KCTD16: variants seen among roughly 807,000 people sequenced by gnomAD.
The protein encoded by KCTD16 is potassium channel tetramerization domain containing 16.
Under a neutral mutation model 33.2 loss-of-function variants are expected in KCTD16, and 13 were observed. The ratio of observed to expected loss-of-function variants is 0.39; its 90% CI spans 0.25 to 0.62. The LOEUF (loss-of-function observed/expected upper bound fraction) is 0.62. Among genes scored for constraint, KCTD16 ranks in the 20% least tolerant of loss-of-function variants. The probability of loss-of-function intolerance (pLI) is 0.50; values close to 1 mark genes in which losing one functional copy is unlikely to be tolerated. For synonymous variants in KCTD16, 197 were observed against 195.3 expected (o/e 1.01, Z -0.07); for missense variants, 441 against 525.1 (o/e 0.84, Z 1.57).
intron 3 of KCTD16, among the ~76,000 whole-genome samples, chr5:144,449,667 G>C (rs1753897928): frequency 6.6e-6 from 1 of 151,874 alleles, no homozygotes; most frequent in South Asian, 2.1e-4. Context: ...AAAAATAATA[G>C]AGAACCTAGA....
At chr5:144,360,701 A>T (rs1034268305) in intron 3 of KCTD16, among the ~76,000 whole-genome samples, 24 of 152,236 alleles carry the variant, frequency 1.6e-4, no homozygotes, top group African/African-American at 5.5e-4. Flanking sequence ...AAGTGCTGGG[A>T]TTACAGGCGT....
At chr5:144,432,355 AATT>A (rs1753482919) in intron 3 of KCTD16, among the ~76,000 whole-genome samples, 1 of 152,126 alleles carries the variant, frequency 6.6e-6, no homozygotes. Flanking sequence ...TTTAAGAAAC[AATT>A]ATTATACCCA....
intron 3 of KCTD16, among the ~76,000 whole-genome samples, chr5:144,371,053 G>A (rs1751955619): frequency 6.6e-6 from 1 of 152,054 alleles, no homozygotes; most frequent in South Asian, 2.1e-4. Context: ...TTGGAGTTAA[G>A]TCTCTGGTTC....
At chr5:144,233,764 C>A (rs567059578) in intron 3 of KCTD16, among the ~76,000 whole-genome samples, 1 of 152,254 alleles carries the variant, frequency 6.6e-6, no homozygotes, top group Admixed American at 6.5e-5. Context: ...GCTTACCTAG[C>A]AAGATAAGGC....
At chr5:144,177,901 A>G (rs540326688) in intron 2 of KCTD16, among the ~76,000 whole-genome samples, 1 of 152,208 alleles carries the variant, frequency 6.6e-6, no homozygotes, top group East Asian at 1.9e-4. Context: ...CATGCTCGAA[A>G]GAACAATAAT....
At chr5:144,340,096 T>C (rs975427887) in intron 3 of KCTD16, among the ~76,000 whole-genome samples, 1 of 152,056 alleles carries the variant, frequency 6.6e-6, no homozygotes, top group African/African-American at 2.4e-5. Flanking sequence ...AGAGGGCAGG[T>C]AAGATCCTGT....
chr5:144,202,082 G>A (rs890526696), intron 2 of KCTD16, among the ~76,000 whole-genome samples: 2 of 152,210 alleles, frequency 1.3e-5, no homozygotes, highest in African/African-American at 4.8e-5. Flanking sequence ...CCTAACATAC[G>A]TCTTGATTTG....
chr5:144,442,450 C>CTTTCTTTCTTTCTTTCTTTCTTTCTTTCT (rs1554095073), intron 3 of KCTD16, among the ~76,000 whole-genome samples: 3 of 147,762 alleles, frequency 2.0e-5, no homozygotes, highest in African/African-American at 7.6e-5. Flanking sequence ...TCTTTTCTTT[C>CTTTCTTTCTTTCTTTCTTTCTTTCTTTCT]TTCTTTCTTT....
chr5:144,463,983 A>G (rs1322844104), intron 3 of KCTD16, among the ~76,000 whole-genome samples: 1 of 152,200 alleles, frequency 6.6e-6, no homozygotes, highest in Non-Finnish European at 1.5e-5. Flanking sequence ...GCAGAGATAC[A>G]TGTTCGGCAC....
At chr5:144,452,966 G>A (rs1753979833) in intron 3 of KCTD16, among the ~76,000 whole-genome samples, 1 of 152,124 alleles carries the variant, frequency 6.6e-6, no homozygotes, top group African/African-American at 2.4e-5. Flanking sequence ...TGAGCTGGAG[G>A]AGGTGGCTGG....
intron 3 of KCTD16, among the ~76,000 whole-genome samples, chr5:144,386,167 A>G (rs1752319635): frequency 6.6e-6 from 1 of 152,178 alleles, no homozygotes; most frequent in Non-Finnish European, 1.5e-5. Context: ...CTTCTTTTCT[A>G]CAGAGCTCAA....
chr5:144,485,564 T>C lies in KCTD16; in HGVS notation c.*11450T>C, dbSNP rs1754788993. 1 of 151,976 alleles carries C rather than the reference T, an allele frequency of 6.6e-6. No homozygotes were observed. The highest frequency in any genetic ancestry group is 1.5e-5 in the Non-Finnish European group (1 of 67,920). The allele number at this position is 151,976 out of a possible 1,614,324, so 9.4% of individuals were successfully genotyped here. A position where few individuals can be genotyped will look rare whatever the true frequency, so the allele number is the denominator to read the frequency against. Reference sequence around the variant, plus strand: ...ATTTTAAAAGGAAGAACAGAAACTATATTTCAGATTCTTGTGTGAATATAA... The same window carrying C: ...ATTTTAAAAGGAAGAACAGAAACTACATTTCAGATTCTTGTGTGAATATAA... On this transcript the variant is annotated 3_prime_UTR_variant, in exon 4 of 4. Coordinates refer to ENST00000512467, the MANE Select transcript of KCTD16 (RefSeq NM_020768.4).
Position 144,481,904 on chromosome 5 carries a change from A to C in KCTD16, c.*7790A>C, listed in dbSNP as rs149901417. ...ACAGATTTATTATTATGTACCTGAA[A>C]CTCTACTGAGTACTTTTCATGCCTT... On this transcript the variant is annotated 3_prime_UTR_variant, in exon 4 of 4. Coordinates refer to ENST00000512467, the MANE Select transcript of KCTD16 (RefSeq NM_020768.4). 219 of 152,016 alleles carry C rather than the reference A, an allele frequency of 1.4e-3. 2 individuals carry two copies. Among genetic ancestry groups the C allele is most frequent in the African/African-American group, 4.9e-3 (202 of 41,500 alleles). 9.4% of individuals were successfully genotyped at this position (152,016 alleles called of 1,614,324 possible).
chr5:144,327,812 T>G (rs965741363), intron 3 of KCTD16, among the ~76,000 whole-genome samples: 3 of 152,140 alleles, frequency 2.0e-5, no homozygotes, highest in Non-Finnish European at 4.4e-5. Context: ...TTTATGGATG[T>G]TTTATAATTT....
intron 3 of KCTD16, among the ~76,000 whole-genome samples, chr5:144,231,971 T>A (rs1754116063): frequency 6.6e-6 from 1 of 152,188 alleles, no homozygotes; most frequent in South Asian, 2.1e-4. Context: ...GCCAAAACAG[T>A]ATTTATTTAA....
intron 3 of KCTD16, among the ~76,000 whole-genome samples, chr5:144,446,124 G>T (rs550902146): frequency 5.7e-4 from 86 of 151,888 alleles, no homozygotes; most frequent in African/African-American, 1.6e-3. Context: ...GGGATACTTT[G>T]TCAGCTAATT....
intron 3 of KCTD16, among the ~76,000 whole-genome samples, chr5:144,347,526 C>T (rs760022456): frequency 2.0e-5 from 3 of 152,006 alleles, no homozygotes; most frequent in South Asian, 2.1e-4. Flanking sequence ...ACTGGGGAGG[C>T]GGAAGTTGCA....
chr5:144,270,417 A>G (rs904143676), intron 3 of KCTD16, among the ~76,000 whole-genome samples: 18 of 151,956 alleles, frequency 1.2e-4, no homozygotes, highest in African/African-American at 3.9e-4. Context: ...ATTTGTGGAA[A>G]CATACAAGCA....
In KCTD16 at chr5:144,390,443, G is replaced by A. The variant is rs544253465; in HGVS notation, c.833-83217G>A. ...GTGGGGTTGGGGAGCTGGGGGGTCA[G>A]GCTCTTTTTACAGTTGCTGAAATTC... On this transcript the variant is annotated intron_variant, in intron 3 of 3. Coordinates refer to ENST00000512467, the MANE Select transcript of KCTD16 (RefSeq NM_020768.4). Among the ~76,000 whole-genome samples, 7 of 152,248 alleles carry A rather than the reference G, an allele frequency of 4.6e-5. No individual in the cohort carries two copies. In the South Asian group the frequency reaches 1.5e-3, roughly 32 times the overall value.
Sources: gnomAD v4.1 joint callset for allele counts (sites outside exome capture counted in the v4.1 genomes callset) on GRCh38, gnomAD v4.1.1 for gene constraint, MANE v1.5 for transcripts, NCBI Gene and HGNC (gene_info 2026-07-23, HGNC 2026-07-21) for gene names.